PCDH15: variants seen among roughly 807,000 people sequenced by gnomAD.
PCDH15 encodes protocadherin related 15, also known as protocadherin-15.
A neutral mutation model predicts 178.5 loss-of-function variants in PCDH15; 129 were observed. That is an observed-to-expected ratio of 0.72 (90% confidence interval 0.63 to 0.84). The LOEUF is 0.84. PCDH15 is among the 40% of genes least tolerant of loss of function. The pLI is 0.00. For synonymous variants in PCDH15, 800 were observed against 732.0 expected (o/e 1.09, Z -1.50); for missense variants, 2,230 against 2,099.9 (o/e 1.06, Z -1.21).
chr10:55,443,739 A>C (rs1248859620), intron 2 of PCDH15, among the ~76,000 whole-genome samples: 1 of 152,144 alleles, frequency 6.6e-6, no homozygotes, highest in Non-Finnish European at 1.5e-5. Context: ...TTCCTCAAGG[A>C]TCTAGAACTA....
At chr10:54,697,360 C>T (rs1342493323) in intron 1 of PCDH15, among the ~76,000 whole-genome samples, 1 of 151,574 alleles carries the variant, frequency 6.6e-6, no homozygotes, top group Non-Finnish European at 1.5e-5. Context: ...ATTTTATTTA[C>T]AGGTATATCT....
rs541108832 is a variant in PCDH15 at position 53,925,084 on chromosome 10, C to G, written c.3373+13731G>C. Among the ~76,000 whole-genome samples, 10 of 152,212 alleles carry G rather than the reference C, an allele frequency of 6.6e-5. No individual in the cohort carries two copies. The South Asian group carries it at 8.3e-4, about 13-fold the overall frequency. The stretch of plus-strand genomic sequence containing the variant: ...ACATGAGGGAATAAAAGCAGACTGC[C>G]CCAGCTAGCTGTGGCAACCAGCTGG... On this transcript the variant is annotated intron_variant, in intron 25 of 37. Transcript: ENST00000644397.
At chr10:54,512,629 T>C (rs542975047) in intron 3 of PCDH15, among the ~76,000 whole-genome samples, 2 of 152,070 alleles carry the variant, frequency 1.3e-5, no homozygotes, top group Admixed American at 6.6e-5. Context: ...ACATAACATA[T>C]TGATGTTTGT....
chr10:54,140,547 C>A (rs1407624301), intron 14 of PCDH15, among the ~76,000 whole-genome samples: 1 of 151,966 alleles, frequency 6.6e-6, no homozygotes, highest in Non-Finnish European at 1.5e-5. Flanking sequence ...CAGCTCACTG[C>A]AACCCCTGCC....
rs397688090 is a variant in PCDH15 at position 54,889,500 on chromosome 10, G to GATATATATATATATATATATATATAT, written c.-29+7949_-29+7950insATATATATATATATATATATATATAT. On this transcript the variant is annotated intron_variant, in intron 3 of 5. Transcript: ENST00000458638. ...AGTATTTTGAATAGCTAATTGTGAA[G>GATATATATATATATATATATATATAT]ATATATATATATATATATGATCTAT... 6.8e-4 allele frequency among the ~76,000 whole-genome samples: 97 copies of GATATATATATATATATATATATATAT among 141,946 alleles called. 1 individual carries two copies. Among genetic ancestry groups the GATATATATATATATATATATATATAT allele is most frequent in the South Asian group, 3.6e-3 (16 of 4,420 alleles). The allele number at this position is 141,946 out of a possible 152,430, so 93.1% of individuals were successfully genotyped here.
At chr10:55,489,617 G>C (rs1256639113) in intron 2 of PCDH15, among the ~76,000 whole-genome samples, 1 of 151,622 alleles carries the variant, frequency 6.6e-6, no homozygotes, top group Non-Finnish European at 1.5e-5. Context: ...GCTTATCCAA[G>C]AGAGATGAGT....
intron 14 of PCDH15, among the ~76,000 whole-genome samples, chr10:54,148,272 G>GCA (rs1348076344): frequency 6.6e-6 from 1 of 151,908 alleles, no homozygotes; most frequent in Non-Finnish European, 1.5e-5. Context: ...GGCATACAGA[G>GCA]TCCTCCCTCA....
At chr10:55,433,965 T>G (rs958446546) in intron 2 of PCDH15, among the ~76,000 whole-genome samples, 2 of 152,046 alleles carry the variant, frequency 1.3e-5, no homozygotes, top group Non-Finnish European at 2.9e-5. Flanking sequence ...CTGGGCTCCA[T>G]AATCTTTTCT....
intron 1 of PCDH15, among the ~76,000 whole-genome samples, chr10:54,700,596 A>G (rs2095296790): frequency 6.6e-6 from 1 of 152,126 alleles, no homozygotes; most frequent in Non-Finnish European, 1.5e-5. Context: ...CGCAAAATCA[A>G]CCAAGTGGAG....
intron 3 of PCDH15, among the ~76,000 whole-genome samples, chr10:54,383,015 G>A (rs1257217929): frequency 1.3e-5 from 2 of 151,962 alleles, no homozygotes; most frequent in African/African-American, 4.8e-5. Context: ...AGTTCTATGA[G>A]AAAACAATAA....
At chr10:54,898,593 G>A (rs971468542) in intron 2 of PCDH15, among the ~76,000 whole-genome samples, 2 of 151,954 alleles carry the variant, frequency 1.3e-5, no homozygotes, top group African/African-American at 4.8e-5. Context: ...TAAATACCTA[G>A]TTAAGTACTT....
At chr10:54,159,402 A>G (rs1214638052) in intron 13 of PCDH15, among the ~76,000 whole-genome samples, 1 of 152,180 alleles carries the variant, frequency 6.6e-6, no homozygotes, top group Non-Finnish European at 1.5e-5. Context: ...CCTAAGACTG[A>G]GACCCATACA....
At chr10:53,837,328 A>T (rs1332395049) in intron 29 of PCDH15, among the ~76,000 whole-genome samples, 1 of 152,172 alleles carries the variant, frequency 6.6e-6, no homozygotes, top group East Asian at 1.9e-4. Flanking sequence ...GATAAGAGTA[A>T]TATATAATTA....
chr10:55,023,562 C>T (rs1840391728), intron 2 of PCDH15, among the ~76,000 whole-genome samples: 1 of 150,998 alleles, frequency 6.6e-6, no homozygotes, highest in Non-Finnish European at 1.5e-5. Context: ...TCTTCCTCAC[C>T]ACACACACAC....
In PCDH15 at chr10:54,195,796, G is replaced by T. The variant is rs1267717080; in HGVS notation, c.1192C>A (p.Pro398Thr). ...ENNQSPYFTMPSYQGYILESA... is the reference protein window; with the variant it reads ...ENNQSPYFTMTSYQGYILESA... ...TCCAGGATATAGCCTTGATAACTGGGCATTGTAAAATATGGACTTTGATTG... is the reference window on the plus strand; with the variant it reads ...TCCAGGATATAGCCTTGATAACTGGTCATTGTAAAATATGGACTTTGATTG... Residue 398 changes from proline (P) to threonine (T), a missense_variant, in exon 11 of 38, where the codon CCC becomes ACC. Pro to Thr is a conservative substitution (Grantham distance 38, BLOSUM62 -1). Coordinates refer to ENST00000644397, the MANE Select transcript of PCDH15 (RefSeq NM_001384140.1). 13 of 1,613,748 alleles carry T rather than the reference G, an allele frequency of 8.1e-6. No homozygotes were observed. The highest frequency in any genetic ancestry group is 2.7e-5 in the African/African-American group (2 of 74,912).
At chr10:54,272,676 C>T (rs1162137269) in intron 8 of PCDH15, among the ~76,000 whole-genome samples, 1 of 152,100 alleles carries the variant, frequency 6.6e-6, no homozygotes, top group Non-Finnish European at 1.5e-5. Context: ...AGCATACAGA[C>T]ACTTCATGAG....
chr10:55,079,787 C>G (rs938511458), intron 2 of PCDH15, among the ~76,000 whole-genome samples: 1 of 152,160 alleles, frequency 6.6e-6, no homozygotes, highest in East Asian at 1.9e-4. Flanking sequence ...CGTGAGTGAT[C>G]CTGTCTTCAG....
intron 1 of PCDH15, among the ~76,000 whole-genome samples, chr10:54,730,250 A>G (rs1943153024): frequency 1.3e-5 from 2 of 151,586 alleles, no homozygotes; most frequent in South Asian, 4.1e-4. Flanking sequence ...ACTTTTCAGC[A>G]ACGTGGATGG....
chr10:54,689,268 A>G lies in PCDH15; in HGVS notation c.-28-24978T>C, dbSNP rs1466328926. ...AAGTGATGCTAACAGAAGCAATTCTACAAATACATATGCAAAGTGTATTAT... is the reference window on the plus strand; with the variant it reads ...AAGTGATGCTAACAGAAGCAATTCTGCAAATACATATGCAAAGTGTATTAT... On this transcript the variant is annotated intron_variant, in intron 1 of 37. Transcript: ENST00000644397. 2.6e-5 allele frequency among the ~76,000 whole-genome samples: 4 copies of G among 152,298 alleles called. No individual in the cohort carries two copies. The South Asian group carries it at 6.2e-4, about 24-fold the overall frequency.
Sources: allele counts gnomAD v4.1 joint callset (sites outside exome capture counted in the v4.1 genomes callset), GRCh38; gene constraint gnomAD v4.1.1; transcripts MANE v1.5; gene names NCBI Gene and HGNC (gene_info 2026-07-23, HGNC 2026-07-21).